Variants in METTL15 observed in about 807,000 individuals in gnomAD.
METTL15 encodes 12S rRNA N(4)-cytidine methyltransferase METTL15.
A neutral mutation model predicts 38.3 loss-of-function variants in METTL15; 34 were observed. The observed-to-expected ratio is 0.89, with a 90% CI of 0.68 to 1.18. METTL15 has a LOEUF of 1.18. METTL15 is among the 50% of genes most tolerant of loss of function. METTL15 has a pLI of 0.00. For missense variants in METTL15, 438 were observed against 498.4 expected, an observed-to-expected ratio of 0.88 and a Z score of 1.15; for synonymous variants, 162 against 170.9, an observed-to-expected ratio of 0.95 and a Z score of 0.41.
chr11:28,488,941 G>A (rs1267646126), intron 6 of METTL15, among the ~76,000 whole-genome samples: 2 of 152,238 alleles, frequency 1.3e-5, no homozygotes, highest in East Asian at 1.9e-4. Context: ...AGATGTTAAT[G>A]TTAATAAGCT....
At chr11:28,335,605 C>T (rs1240248680), downstream of METTL15, among the ~76,000 whole-genome samples, 1 of 152,038 alleles carries the variant, frequency 6.6e-6, no homozygotes. Context: ...AAATGATGTC[C>T]GGGTCATGGG....
chr11:28,510,902 A>G (rs1364580280), intron 6 of METTL15, among the ~76,000 whole-genome samples: 1 of 152,166 alleles, frequency 6.6e-6, no homozygotes, highest in Non-Finnish European at 1.5e-5. Context: ...CTGTCTGGGC[A>G]CTAATTTGGA....
intron 3 of METTL15, among the ~76,000 whole-genome samples, chr11:28,170,583 C>T (rs996220861): frequency 6.6e-6 from 1 of 152,102 alleles, no homozygotes; most frequent in African/African-American, 2.4e-5. Context: ...GTGTATTATG[C>T]ATGAGTTTTC....
At chr11:28,299,221 G>T (rs1856835862) in intron 6 of METTL15, among the ~76,000 whole-genome samples, 1 of 152,074 alleles carries the variant, frequency 6.6e-6, no homozygotes, top group South Asian at 2.1e-4. Context: ...CATGACATAT[G>T]TCCTATAAGT....
intron 4 of METTL15, among the ~76,000 whole-genome samples, chr11:28,219,955 T>C (rs1336534728): frequency 2.0e-5 from 3 of 152,180 alleles, no homozygotes; most frequent in Non-Finnish European, 4.4e-5. Context: ...TTCTTTAACA[T>C]TTGCTGATGA....
rs373765302 is a variant in METTL15 at position 28,512,376 on chromosome 11, G to A, written c.*425-14102G>A. On this transcript the variant is annotated intron_variant and NMD_transcript_variant, in intron 6 of 7. Coordinates refer to the METTL15 transcript ENST00000532947. Reference sequence around the variant, plus strand: ...GTGGTTGATGGGACTGGGCACCGTGGAGCAGGGAGCAGCGCTCATCAGGGA... The same window carrying A: ...GTGGTTGATGGGACTGGGCACCGTGAAGCAGGGAGCAGCGCTCATCAGGGA... 2.6e-4 allele frequency among the ~76,000 whole-genome samples: 39 copies of A among 152,338 alleles called. No individual in the cohort carries two copies. In the East Asian group the frequency reaches 2.9e-3, roughly 11 times the overall value.
At chr11:28,391,141 G>C (rs376902407) in intron 5 of METTL15, among the ~76,000 whole-genome samples, 27 of 152,048 alleles carry the variant, frequency 1.8e-4, no homozygotes, top group African/African-American at 6.0e-4. Context: ...TGAGACAATG[G>C]GGTTTTCTAG....
chr11:28,259,934 T>G (rs1424083603), intron 4 of METTL15, among the ~76,000 whole-genome samples: 1 of 152,180 alleles, frequency 6.6e-6, no homozygotes, highest in Admixed American at 6.5e-5. Context: ...CAACAAGTCC[T>G]TCTTGACTCC....
chr11:28,430,817 T>C (rs1590372102), intron 6 of METTL15, among the ~76,000 whole-genome samples: 1 of 67,936 alleles, frequency 1.5e-5, no homozygotes. Context: ...GAGGAGCCCC[T>C]CTGCCCGGCC....
At chr11:28,185,101 A>G (rs948294456) in intron 3 of METTL15, among the ~76,000 whole-genome samples, 6 of 151,504 alleles carry the variant, frequency 4.0e-5, no homozygotes, top group African/African-American at 1.5e-4. Context: ...ACTGTTTTCT[A>G]ATTTTGAAGT....
At chr11:28,513,079 G>C (rs1318750532) in intron 6 of METTL15, among the ~76,000 whole-genome samples, 1 of 85,748 alleles carries the variant, frequency 1.2e-5, no homozygotes, top group Non-Finnish European at 2.3e-5. Context: ...AGGGTCAACT[G>C]TACTTAGACA....
intron 4 of METTL15, among the ~76,000 whole-genome samples, chr11:28,233,509 C>G (rs998960643): frequency 6.6e-6 from 1 of 152,026 alleles, no homozygotes; most frequent in Admixed American, 6.6e-5. Flanking sequence ...GAATACAACA[C>G]TGCATTCAGT....
intron 3 of METTL15, among the ~76,000 whole-genome samples, chr11:28,194,542 C>A (rs900516739): frequency 6.6e-6 from 1 of 151,706 alleles, no homozygotes; most frequent in East Asian, 1.9e-4. Flanking sequence ...GGTAACAGAA[C>A]TGTGACCAAG....
intron 6 of METTL15, among the ~76,000 whole-genome samples, chr11:28,486,735 C>T (rs947548272): frequency 3.3e-5 from 5 of 152,186 alleles, no homozygotes; most frequent in African/African-American, 1.2e-4. Flanking sequence ...CCTAATGTAT[C>T]TTCAGAGTGT....
intron 4 of METTL15, among the ~76,000 whole-genome samples, chr11:28,232,270 C>A (rs368669348): frequency 6.8e-4 from 104 of 151,924 alleles, no homozygotes; most frequent in African/African-American, 2.3e-3. Context: ...TTATTACTAG[C>A]TTTTACTATG....
intron 5 of METTL15, among the ~76,000 whole-genome samples, chr11:28,365,774 G>A (rs761573244): frequency 9.9e-5 from 15 of 152,138 alleles, no homozygotes; most frequent in South Asian, 6.2e-4. Flanking sequence ...TGGGCCAGGC[G>A]CGGTGGCTCA....
chr11:28,135,518 A>G (rs1045543109), intron 3 of METTL15, among the ~76,000 whole-genome samples: 1 of 151,878 alleles, frequency 6.6e-6, no homozygotes, highest in Non-Finnish European at 1.5e-5. Context: ...TAGACAAGGT[A>G]TGAGGCCAGA....
At chr11:28,194,493 T>A (rs1383356269) in intron 3 of METTL15, among the ~76,000 whole-genome samples, 1 of 151,882 alleles carries the variant, frequency 6.6e-6, no homozygotes, top group Non-Finnish European at 1.5e-5. Flanking sequence ...AGCCACCATG[T>A]CTGGCTATTT....
At chr11:28,164,167 A>G (rs1850572628) in intron 3 of METTL15, 1 of 152,206 alleles carries the variant, frequency 6.6e-6, no homozygotes, top group Non-Finnish European at 1.5e-5. Context: ...TTCACTTATT[A>G]CATACACAAA....
Sources: gnomAD v4.1 joint callset for allele counts (sites outside exome capture counted in the v4.1 genomes callset) on GRCh38, gnomAD v4.1.1 for gene constraint, MANE v1.5 for transcripts, NCBI Gene and HGNC (gene_info 2026-07-23, HGNC 2026-07-21) for gene names.